LHFPL3: variants seen among roughly 807,000 people sequenced by gnomAD.
LHFPL3 encodes LHFPL tetraspan subfamily member 3.
Under a neutral mutation model 19.3 loss-of-function variants are expected in LHFPL3, and 5 were observed. The ratio of observed to expected loss-of-function variants is 0.26; its 90% confidence interval spans 0.14 to 0.54. LHFPL3 has a LOEUF of 0.54. LHFPL3 is among the 20% of genes least tolerant of loss of function. The probability of loss-of-function intolerance (pLI) is 0.94; values close to 1 mark genes in which losing one functional copy is unlikely to be tolerated. For missense variants in LHFPL3, 249 were observed against 307.4 expected (o/e 0.81, Z 1.42); for synonymous variants, 133 against 126.2 (o/e 1.05, Z -0.36).
At chr7:104,512,281 T>C (rs1793832965) in intron 1 of LHFPL3, among the ~76,000 whole-genome samples, 3 of 152,070 alleles carry the variant, frequency 2.0e-5, no homozygotes, top group Non-Finnish European at 4.4e-5. Flanking sequence ...TATAGAGTAT[T>C]TTAAACAAGG....
rs1019218672 is a variant in LHFPL3 at position 104,608,089 on chromosome 7, G to A, written c.446-128586G>A. Among the ~76,000 whole-genome samples, 25 of 152,304 alleles carry A rather than the reference G, an allele frequency of 1.6e-4. 1 individual carries two copies. Among genetic ancestry groups the A allele is most frequent in the South Asian group, 8.3e-4 (4 of 4,824 alleles). ...CAACCATTGTGGAAGTCACTGCGGC[G>A]ATTCCTCAGGGATCTAGAACTAGAA... is the stretch of plus-strand genomic sequence containing the variant. On this transcript the variant is annotated intron_variant, in intron 1 of 2. Coordinates refer to ENST00000424859, the MANE Select transcript of LHFPL3 (RefSeq NM_199000.3).
chr7:104,892,242 A>G (rs1219880753), intron 2 of LHFPL3, among the ~76,000 whole-genome samples: 1 of 152,212 alleles, frequency 6.6e-6, no homozygotes, highest in Non-Finnish European at 1.5e-5. Context: ...AGCAAATACA[A>G]ACCCACAATA....
chr7:104,492,251 A>G (rs1368493881), intron 1 of LHFPL3, among the ~76,000 whole-genome samples: 2 of 147,074 alleles, frequency 1.4e-5, no homozygotes, highest in Non-Finnish European at 3.0e-5. Flanking sequence ...TTTTCCCCTT[A>G]TTAATGACTA....
chr7:104,358,448 T>G (rs1164630985), intron 1 of LHFPL3, among the ~76,000 whole-genome samples: 1 of 152,206 alleles, frequency 6.6e-6, no homozygotes, highest in Non-Finnish European at 1.5e-5. Flanking sequence ...TATGTTTACC[T>G]TTGTTTTAGC....
In LHFPL3 at chr7:104,343,728, CGT is replaced by C. The variant is rs10687589; in HGVS notation, c.445+14524_445+14525del. On this transcript the variant is annotated intron_variant, in intron 1 of 2. Transcript: ENST00000424859. ...ATTTTACATTTGTGTGTATGGCTTGCGTGTGTGTGTGTGTGTGTGTGGTTTAC... is the reference window on the plus strand; with the variant it reads ...ATTTTACATTTGTGTGTATGGCTTGCGTGTGTGTGTGTGTGTGTGGTTTAC... Among the ~76,000 whole-genome samples, 1,085 of 148,778 alleles carry C rather than the reference CGT, an allele frequency of 7.3e-3. 11 individuals carry two copies. The highest frequency in any genetic ancestry group is 0.024 in the African/African-American group (986 of 40,566).
chr7:104,525,137 A>AT (rs1794161908), intron 1 of LHFPL3, among the ~76,000 whole-genome samples: 1 of 152,188 alleles, frequency 6.6e-6, no homozygotes, highest in African/African-American at 2.4e-5. Flanking sequence ...CTCAATGTGT[A>AT]TCACACATCT....
chr7:104,756,488 G>A (rs1472899510), intron 2 of LHFPL3, among the ~76,000 whole-genome samples: 2 of 151,904 alleles, frequency 1.3e-5, no homozygotes, highest in East Asian at 3.9e-4. Flanking sequence ...TTTTAAGCAC[G>A]ACAATTTTAT....
chr7:104,505,433 G>A (rs41038), intron 1 of LHFPL3, among the ~76,000 whole-genome samples: 21,159 of 152,132 alleles, frequency 0.14, 1,605 homozygotes, highest in East Asian at 0.21. Context: ...ATGCCAAAAG[G>A]TAATGAGAAT....
At chr7:104,356,859 T>C (rs553208074) in intron 1 of LHFPL3, among the ~76,000 whole-genome samples, 4 of 152,146 alleles carry the variant, frequency 2.6e-5, no homozygotes, top group African/African-American at 7.2e-5. Flanking sequence ...CTGGTACTGG[T>C]CATGGCTTGT....
intron 2 of LHFPL3, among the ~76,000 whole-genome samples, chr7:104,745,713 C>G (rs1399597073): frequency 1.3e-5 from 2 of 152,148 alleles, no homozygotes; most frequent in Non-Finnish European, 2.9e-5. Flanking sequence ...CAGAGCTGCC[C>G]TGGGTTGAAA....
chr7:104,720,492 A>G (rs891027216), intron 1 of LHFPL3, among the ~76,000 whole-genome samples: 11 of 152,258 alleles, frequency 7.2e-5, no homozygotes, highest in African/African-American at 2.7e-4. Flanking sequence ...CAAGGACTTC[A>G]TGACTAAAAC....
At chr7:104,440,847 G>A (rs10085852) in intron 1 of LHFPL3, among the ~76,000 whole-genome samples, 32,076 of 151,492 alleles carry the variant, frequency 0.21, 3,888 homozygotes, top group Admixed American at 0.33. Flanking sequence ...TTTTTCTTTT[G>A]GCTTTAAAAA....
chr7:104,641,652 C>T (rs1470729571), intron 1 of LHFPL3, among the ~76,000 whole-genome samples: 1 of 152,094 alleles, frequency 6.6e-6, no homozygotes, highest in Non-Finnish European at 1.5e-5. Context: ...GCGCTCTGGC[C>T]TGTGGTTTCC....
At chr7:104,728,876 T>C (rs1403320470) in intron 1 of LHFPL3, among the ~76,000 whole-genome samples, 1 of 152,168 alleles carries the variant, frequency 6.6e-6, no homozygotes, top group Non-Finnish European at 1.5e-5. Flanking sequence ...TTGAAGCAAC[T>C]GTTGAATGAA....
At position 104,328,856 on chromosome 7, in the gene LHFPL3, A is replaced by G; in HGVS notation, c.77A>G (p.His26Arg). Residue 26 changes from histidine to arginine, a missense_variant, in exon 1 of 3, where the codon CAC (histidine) becomes CGC (arginine). Physicochemically the swap from His to Arg is conservative, Grantham distance 29. Transcript: ENST00000424859. This position sits in a 1 kb window ranked among gnomAD's most constrained non-coding sequence, Gnocchi z 4.6. ...GCTCAGGAGGCTGCCAAGCTGTACCACACCAACTATGTGCGGAACTCGCGG... is the reference window on the plus strand; with the variant it reads ...GCTCAGGAGGCTGCCAAGCTGTACCGCACCAACTATGTGCGGAACTCGCGG... ...LPAQEAAKLY[H>R]TNYVRNSRAI... 1 of 1,614,136 alleles carries G rather than the reference A, an allele frequency of 6.2e-7. No homozygotes were observed. The highest frequency in any genetic ancestry group is 8.5e-7 in the Non-Finnish European group (1 of 1,180,014).
intron 1 of LHFPL3, among the ~76,000 whole-genome samples, chr7:104,592,425 G>GCTGCAGAACAGCAAATA (rs142566002): frequency 8.2e-4 from 3 of 3,678 alleles, no homozygotes; most frequent in Admixed American, 3.9e-3. Context: ...ACCAGCGGAG[G>GCTGCAGAACAGCAAATA]CTGCAGAACA....
In LHFPL3 at chr7:104,453,067, G is replaced by C. The variant is rs151201219; in HGVS notation, c.445+123843G>C. 2.0e-5 allele frequency among the ~76,000 whole-genome samples: 3 copies of C among 152,192 alleles called. No individual in the cohort carries two copies. The East Asian group carries it at 5.8e-4, about 29-fold the overall frequency. ...CATATGTATTTCAAATTCTTTTCCAGGTTACAATTTGTCTTAAAAATGTAT... is the reference window on the plus strand; with the variant it reads ...CATATGTATTTCAAATTCTTTTCCACGTTACAATTTGTCTTAAAAATGTAT... On this transcript the variant is annotated intron_variant, in intron 1 of 2. Transcript: ENST00000424859.
At chr7:104,792,592 G>T (rs569814706) in intron 2 of LHFPL3, among the ~76,000 whole-genome samples, 1 of 152,246 alleles carries the variant, frequency 6.6e-6, no homozygotes, top group African/African-American at 2.4e-5. Flanking sequence ...CAAGCACTTT[G>T]TTCCTGTACC....
chr7:104,590,168 A>G (rs188294391), intron 1 of LHFPL3, among the ~76,000 whole-genome samples: 5 of 151,990 alleles, frequency 3.3e-5, no homozygotes, highest in East Asian at 1.9e-4. Context: ...TTGAATGTGT[A>G]TGCTCTTTCT....
Sources: allele counts gnomAD v4.1 joint callset (sites outside exome capture counted in the v4.1 genomes callset), GRCh38; gene constraint gnomAD v4.1.1; non-coding constraint Gnocchi (gnomAD v3.1); transcripts MANE v1.5; gene names NCBI Gene and HGNC (gene_info 2026-07-23, HGNC 2026-07-21).